BPNT2: variants seen among roughly 807,000 people sequenced by gnomAD.
The protein encoded by BPNT2 is 3'(2'), 5'-bisphosphate nucleotidase 2.
BPNT2 carries 11 observed loss-of-function variants against 29.3 expected under a neutral mutation model. The observed-to-expected ratio is 0.38, with a 90% CI of 0.24 to 0.62. The LOEUF (loss-of-function observed/expected upper bound fraction) is 0.62. Among genes scored for constraint, BPNT2 ranks in the 20% least tolerant of loss-of-function variants. The pLI is 0.62. For synonymous variants in BPNT2, 195 were observed against 187.7 expected, an observed-to-expected ratio of 1.04 and a Z score of -0.32; for missense variants, 459 against 473.4, an observed-to-expected ratio of 0.97 and a Z score of 0.28.
Position 56,993,600 on chromosome 8 carries a change from G to C in BPNT2, c.-15C>G. On this transcript the variant is annotated 5_prime_UTR_variant, in exon 1 of 5. Coordinates refer to ENST00000262644, the MANE Select transcript of BPNT2 (RefSeq NM_017813.5). ...ATGGGGGCCATGGCGTGGGAAGCCG[G>C]GCGCTCCGGGCTGCGGCTCTCACAG... The C allele has an allele frequency of 7.1e-7, 1 of 1,415,478 alleles. No homozygotes were observed. Among genetic ancestry groups the C allele is most frequent in the South Asian group, 1.5e-5 (1 of 65,382 alleles). The allele number at this position is 1,415,478 out of a possible 1,614,324, so 87.7% of individuals were successfully genotyped here.
At chr8:56,979,363 CT>C (rs371956641) in intron 2 of BPNT2, among the ~76,000 whole-genome samples, 159 of 152,246 alleles carry the variant, frequency 1.0e-3, no homozygotes, top group African/African-American at 3.6e-3. Flanking sequence ...TTTAGGAGAA[CT>C]TTTTATGAAC....
chr8:56,978,658 A>G (rs1455036403), intron 2 of BPNT2, among the ~76,000 whole-genome samples: 1 of 149,268 alleles, frequency 6.7e-6, no homozygotes, highest in African/African-American at 2.5e-5. Context: ...TCAATGATAG[A>G]CCAGGTAAAA....
In BPNT2 at chr8:56,993,759, G is replaced by C; in HGVS notation, c.-174C>G. The stretch of plus-strand genomic sequence containing the variant: ...CTCCCAGGAAAGGCCGAGTTGCGCC[G>C]CGAAGACCACCAACGCCGCCCCGCG... On this transcript the variant is annotated 5_prime_UTR_variant, in exon 1 of 5. Coordinates refer to ENST00000262644, the MANE Select transcript of BPNT2 (RefSeq NM_017813.5). The C allele has an allele frequency of 4.7e-6, 4 of 849,238 alleles. No homozygotes were observed. The highest frequency in any genetic ancestry group is 5.7e-6 in the Non-Finnish European group (4 of 701,846). The allele number at this position is 849,238 out of a possible 1,614,324, so 52.6% of individuals were successfully genotyped here.
At chr8:56,985,805 C>T (rs1244531578) in intron 1 of BPNT2, among the ~76,000 whole-genome samples, 3 of 152,190 alleles carry the variant, frequency 2.0e-5, no homozygotes, top group Non-Finnish European at 2.9e-5. Context: ...GGCTATACTT[C>T]CCATGTGCCT....
intron 3 of BPNT2, among the ~76,000 whole-genome samples, chr8:56,977,832 T>C (rs1425509584): frequency 6.6e-6 from 1 of 152,088 alleles, no homozygotes; most frequent in Admixed American, 6.5e-5. Flanking sequence ...AAAAAGATAC[T>C]CCCTTACAGT....
At chr8:56,982,890 A>G (rs916317357) in intron 1 of BPNT2, among the ~76,000 whole-genome samples, 1 of 152,232 alleles carries the variant, frequency 6.6e-6, no homozygotes, top group African/African-American at 2.4e-5. Flanking sequence ...ATATCCATAC[A>G]ATGGAAAGTT....
rs1199571558 is a variant in BPNT2 at position 56,967,814 on chromosome 8, CAAGA to C, written c.647-1466_647-1463del. On this transcript the variant is annotated intron_variant, in intron 3 of 4. Transcript: ENST00000262644. Reference sequence around the variant, plus strand: ...TTTATTGAAACAAGGTCAGATCAAACAAGAAAGAAGAGCTCTGAAAACCAAAAAC... The same window carrying C: ...TTTATTGAAACAAGGTCAGATCAAACAAGAAGAGCTCTGAAAACCAAAAAC... Among the ~76,000 whole-genome samples the C allele has an allele frequency of 2.0e-5, 3 of 152,110 alleles. No homozygotes were observed. The East Asian group carries it at 5.8e-4, about 29-fold the overall frequency.
chr8:56,963,688 G>C lies in BPNT2; in HGVS notation c.*105C>G. On this transcript the variant is annotated 3_prime_UTR_variant, in exon 5 of 5. Transcript: ENST00000262644. ...GCTTCATAAATACTTTAAAAAGTTCGGGATGGCCTTAACCATGCATAGTCT... is the reference window on the plus strand; with the variant it reads ...GCTTCATAAATACTTTAAAAAGTTCCGGATGGCCTTAACCATGCATAGTCT... The C allele has an allele frequency of 7.7e-7, 1 of 1,298,270 alleles. No homozygotes were observed. The highest frequency in any genetic ancestry group is 1.2e-5 in the South Asian group (1 of 82,022). The allele number at this position is 1,298,270 out of a possible 1,614,324, so 80.4% of individuals were successfully genotyped here. A position where few individuals can be genotyped will look rare whatever the true frequency, so the allele number is the denominator to read the frequency against.
rs1805846237 is a variant in BPNT2, at chr8:56,962,001, T to C, written c.*1792A>G. ...AACAGATGCTTATACCACAGGACTC[T>C]GGCAACAGCATATACCTTTGCCATC... On this transcript the variant is annotated 3_prime_UTR_variant, in exon 5 of 5. Transcript: ENST00000262644. The C allele has an allele frequency of 6.6e-6, 1 of 152,194 alleles. No individual in the cohort carries two copies. The highest frequency in any genetic ancestry group is 2.4e-5 in the African/African-American group (1 of 41,456). The allele number at this position is 152,194 out of a possible 1,614,324, so 9.4% of individuals were successfully genotyped here. A position where few individuals can be genotyped will look rare whatever the true frequency, so the allele number is the denominator to read the frequency against.
intron 1 of BPNT2, among the ~76,000 whole-genome samples, chr8:56,983,558 C>T (rs2129206058): frequency 6.6e-6 from 1 of 152,088 alleles, no homozygotes; most frequent in East Asian, 1.9e-4. Flanking sequence ...ATCATAACAG[C>T]TATTAACAAT....
rs1806446754 is a variant in BPNT2, at chr8:56,993,179, C to T, written c.387+20G>A. The stretch of plus-strand genomic sequence containing the variant: ...ACGCGCTACCCGGCTCGAGTGGGCG[C>T]TCCGCCCGTGGGCTCCCACCTGGAC... On this transcript the variant is annotated intron_variant, in intron 1 of 4. Coordinates refer to ENST00000262644, the MANE Select transcript of BPNT2 (RefSeq NM_017813.5). 5 of 1,587,542 alleles carry T rather than the reference C, an allele frequency of 3.1e-6. No homozygotes were observed. Among genetic ancestry groups the T allele is most frequent in the Non-Finnish European group, 4.3e-6 (5 of 1,174,190 alleles).
chr8:56,970,478 T>C (rs933194605), intron 3 of BPNT2, among the ~76,000 whole-genome samples: 3 of 152,074 alleles, frequency 2.0e-5, no homozygotes, highest in Admixed American at 6.6e-5. Flanking sequence ...ATCAATGTCA[T>C]GGGGGGCATA....
rs1179151792 is a variant in BPNT2 at position 56,962,864 on chromosome 8, T to A, written c.*929A>T. On this transcript the variant is annotated 3_prime_UTR_variant, in exon 5 of 5. Transcript: ENST00000262644. ...TGAAGATAATGAAAGGCAGTTCAATTCATGTAATGTCAAGTAACTTTCAAT... is the reference window on the plus strand; with the variant it reads ...TGAAGATAATGAAAGGCAGTTCAATACATGTAATGTCAAGTAACTTTCAAT... 3.3e-5 allele frequency: 5 copies of A among 152,188 alleles called. No homozygotes were observed. The highest frequency in any genetic ancestry group is 7.3e-5 in the Non-Finnish European group (5 of 68,034). 9.4% of individuals were successfully genotyped at this position (152,188 alleles called of 1,614,324 possible). A position where few individuals can be genotyped will look rare whatever the true frequency, so the allele number is the denominator to read the frequency against.
intron 3 of BPNT2, among the ~76,000 whole-genome samples, chr8:56,972,249 T>C (rs1806049714): frequency 2.0e-5 from 3 of 152,090 alleles, no homozygotes; most frequent in African/African-American, 4.8e-5. Flanking sequence ...ATGCAAACTT[T>C]GAATAACACC....
At chr8:56,967,022 A>C in intron 3 of BPNT2, 1 of 381,998 alleles carries the variant, frequency 2.6e-6, no homozygotes, top group Non-Finnish European at 5.2e-6. Flanking sequence ...TTAAAAGGGA[A>C]GGGGATGTCA....
chr8:56,971,698 T>A (rs1806034744), intron 3 of BPNT2, among the ~76,000 whole-genome samples: 1 of 151,454 alleles, frequency 6.6e-6, no homozygotes, highest in Non-Finnish European at 1.5e-5. Flanking sequence ...CGTAGTGCCA[T>A]TCACAGTTAA....
chr8:56,975,655 AT>A (rs1355639971), intron 3 of BPNT2, among the ~76,000 whole-genome samples: 1 of 152,116 alleles, frequency 6.6e-6, no homozygotes, highest in Non-Finnish European at 1.5e-5. Context: ...TCCTAAGTCC[AT>A]TTTTTCATCT....
intron 3 of BPNT2, among the ~76,000 whole-genome samples, chr8:56,974,747 A>C (rs1806104686): frequency 6.6e-6 from 1 of 152,236 alleles, no homozygotes; most frequent in Non-Finnish European, 1.5e-5. Flanking sequence ...ACTTAAAAAG[A>C]CATTTTTAGA....
Position 56,993,409 on chromosome 8 carries a change from GC to G in BPNT2, c.176del (p.Gly59AlafsTer23). On this transcript the variant is annotated frameshift_variant, in exon 1 of 5. Transcript: ENST00000262644. LOFTEE classifies it high-confidence loss of function. ...AAGPAAAADG[G>X]TVDLREMLAV... ...CCAGCATCTCGCGCAAGTCCACGGT[GC>G]CCCCATCGGCCGCGGCCGCGGGCCC... 1 of 1,561,310 alleles carries G rather than the reference GC, an allele frequency of 6.4e-7. No homozygotes were observed. The highest frequency in any genetic ancestry group is 8.6e-7 in the Non-Finnish European group (1 of 1,160,084).
Sources: allele counts gnomAD v4.1 joint callset (sites outside exome capture counted in the v4.1 genomes callset), GRCh38; gene constraint gnomAD v4.1.1; transcripts MANE v1.5; gene names NCBI Gene and HGNC (gene_info 2026-07-23, HGNC 2026-07-21).